Variants in PLEKHG1 observed in about 807,000 individuals in gnomAD.
PLEKHG1 encodes pleckstrin homology and RhoGEF domain containing G1, also known as pleckstrin homology domain-containing family G member 1.
PLEKHG1 carries 44 observed loss-of-function variants against 100.8 expected under a neutral mutation model. That is an observed-to-expected ratio of 0.44 (90% CI 0.34 to 0.56). PLEKHG1 has a LOEUF of 0.56. Ranked by LOEUF, PLEKHG1 falls within the 20% of genes least tolerant of loss-of-function variation. PLEKHG1 has a pLI of 0.01. For synonymous variants in PLEKHG1, 640 were observed against 662.5 expected (o/e 0.97, Z 0.52); for missense variants, 1,545 against 1,720.9 (o/e 0.90, Z 1.81).
chr6:150,716,074 C>G (rs1021050278), intron 3 of PLEKHG1, among the ~76,000 whole-genome samples: 1 of 146,370 alleles, frequency 6.8e-6, no homozygotes, highest in Non-Finnish European at 1.5e-5. Flanking sequence ...CGCCACTGCA[C>G]TCCAGCCTGG....
chr6:150,620,051 G>A (rs928283485), intron 1 of PLEKHG1, among the ~76,000 whole-genome samples: 2 of 151,960 alleles, frequency 1.3e-5, no homozygotes, highest in Non-Finnish European at 2.9e-5. Flanking sequence ...ATGTATTATC[G>A]TTTATTTGGT....
Position 150,600,756 on chromosome 6 carries a change from C to T in PLEKHG1, c.-204+739C>T, listed in dbSNP as rs1475115334. On this transcript the variant is annotated intron_variant, in intron 1 of 3. Transcript: ENST00000367326. The surrounding 1 kb of genome is among the most constrained non-coding windows in gnomAD (Gnocchi z 6.2). ...CCCCTTTTGTGTCCTCGCGGTGAGC[C>T]CCGTTCCGAAGCCGGAAGCTTGGGA... The T allele has an allele frequency of 6.6e-6, 1 of 152,290 alleles. No individual in the cohort carries two copies. Among genetic ancestry groups the T allele is most frequent in the Non-Finnish European group, 1.5e-5 (1 of 68,074 alleles). The allele number at this position is 152,290 out of a possible 1,614,324, so 9.4% of individuals were successfully genotyped here.
chr6:150,816,620 G>A (rs939829265), intron 10 of PLEKHG1, among the ~76,000 whole-genome samples: 5 of 152,038 alleles, frequency 3.3e-5, no homozygotes, highest in African/African-American at 7.2e-5. Context: ...TACCACGCCC[G>A]GCCTCAAACA....
chr6:150,748,885 C>T (rs1447521205), intron 2 of PLEKHG1, among the ~76,000 whole-genome samples: 2 of 152,126 alleles, frequency 1.3e-5, no homozygotes, highest in African/African-American at 4.8e-5. Context: ...CCTTGGCCTC[C>T]TGAAGTGCTG....
chr6:150,615,605 A>G (rs1409866668), intron 1 of PLEKHG1, among the ~76,000 whole-genome samples: 1 of 152,240 alleles, frequency 6.6e-6, no homozygotes, highest in Non-Finnish European at 1.5e-5. Flanking sequence ...ATACAGATAT[A>G]AAATCACATA....
Position 150,683,743 on chromosome 6 carries a change from A to G in PLEKHG1, c.-99+32957A>G, listed in dbSNP as rs1281768929. ...ACCCCTCTGCGCTAGTATCCAGGGC[A>G]TAGGACGTCTGAAGGAAAGATGGAG... is the stretch of plus-strand genomic sequence containing the variant. On this transcript the variant is annotated intron_variant, in intron 3 of 3. Transcript: ENST00000367326. This position sits in a 1 kb window ranked among gnomAD's most constrained non-coding sequence, Gnocchi z 4.0. 2.4e-6 allele frequency: 3 copies of G among 1,265,312 alleles called. No individual in the cohort carries two copies. The highest frequency in any genetic ancestry group is 2.4e-5 in the Admixed American group (1 of 42,086). 78.4% of individuals were successfully genotyped at this position (1,265,312 alleles called of 1,614,324 possible). A position where few individuals can be genotyped will look rare whatever the true frequency, so the allele number is the denominator to read the frequency against.
chr6:150,797,664 G>A (rs1178424), intron 5 of PLEKHG1, among the ~76,000 whole-genome samples: 3,174 of 151,332 alleles, frequency 0.021, 33 homozygotes, highest in Middle Eastern at 0.058. Flanking sequence ...GCAAAACCCC[G>A]TCTCTACTAA....
At chr6:150,816,070 G>T (rs1787846519) in intron 10 of PLEKHG1, among the ~76,000 whole-genome samples, 1 of 152,126 alleles carries the variant, frequency 6.6e-6, no homozygotes, top group African/African-American at 2.4e-5. Context: ...ATCAGTGGGA[G>T]CCCTGAGCTT....
At chr6:150,802,142 T>G (rs1169026816) in intron 6 of PLEKHG1, among the ~76,000 whole-genome samples, 1 of 152,208 alleles carries the variant, frequency 6.6e-6, no homozygotes, top group Non-Finnish European at 1.5e-5. Context: ...ATTTAAAATT[T>G]TGAAAACTTT....
exon 8 of PLEKHG1, chr6:150,809,228 A>C (rs1435684078): frequency 5.0e-6 from 8 of 1,614,082 alleles, no homozygotes; most frequent in Non-Finnish European, 6.8e-6. Context: ...CCTCTTCGAC[A>C]AGCTGCTGCT....
chr6:150,753,678 A>G (rs1783659215), intron 2 of PLEKHG1, among the ~76,000 whole-genome samples: 1 of 152,206 alleles, frequency 6.6e-6, no homozygotes, highest in Non-Finnish European at 1.5e-5. Context: ...TCTACTTTTG[A>G]TTAGAGAAGC....
At chr6:150,646,470 C>T (rs1165290806) in intron 2 of PLEKHG1, among the ~76,000 whole-genome samples, 2 of 151,658 alleles carry the variant, frequency 1.3e-5, no homozygotes, top group African/African-American at 4.8e-5. Context: ...AATGTTGGTG[C>T]GAATGCCAGA....
chr6:150,643,477 CTCATT>C (rs1167957796), intron 2 of PLEKHG1, among the ~76,000 whole-genome samples: 1 of 152,166 alleles, frequency 6.6e-6, no homozygotes, highest in Non-Finnish European at 1.5e-5. Context: ...AAAAGCTCAA[CTCATT>C]TCATAAATTG....
At chr6:150,599,952 G>GCAGCC (rs1767986231) in exon 1 of PLEKHG1, 2 of 221,714 alleles carry the variant, frequency 9.0e-6, no homozygotes, top group South Asian at 9.0e-5. Flanking sequence ...CCGGCGCAGC[G>GCAGCC]CAGCCCGCAC....
rs978223456 is a variant in PLEKHG1 at position 150,618,558 on chromosome 6, A to G, written c.-204+18541A>G. 2.6e-5 allele frequency among the ~76,000 whole-genome samples: 4 copies of G among 152,270 alleles called. No individual in the cohort carries two copies. In the South Asian group the frequency reaches 6.2e-4, roughly 24 times the overall value. ...ACCGTTTGTCTAGTATCTCTACCAC[A>G]TAGATGCAATAGATGTAAATAACCC... On this transcript the variant is annotated intron_variant, in intron 1 of 3. Coordinates refer to the PLEKHG1 transcript ENST00000367326.
At chr6:150,705,012 C>T (rs532932952) in intron 3 of PLEKHG1, among the ~76,000 whole-genome samples, 3 of 152,236 alleles carry the variant, frequency 2.0e-5, no homozygotes, top group Non-Finnish European at 2.9e-5. Flanking sequence ...TTAAAGGGCT[C>T]GTCTCCAAAT....
At chr6:150,792,599 A>G (rs1786056027) in intron 4 of PLEKHG1, among the ~76,000 whole-genome samples, 1 of 151,728 alleles carries the variant, frequency 6.6e-6, no homozygotes, top group African/African-American at 2.4e-5. Context: ...ACTTGAACCC[A>G]AGAGGCAAAG....
At chr6:150,803,517 T>C (rs1786831776) in intron 6 of PLEKHG1, among the ~76,000 whole-genome samples, 1 of 152,182 alleles carries the variant, frequency 6.6e-6, no homozygotes, top group African/African-American at 2.4e-5. Flanking sequence ...AACAAGTGTC[T>C]TATGTGCTCA....
chr6:150,727,347 G>T (rs1299984012), intron 1 of PLEKHG1, among the ~76,000 whole-genome samples: 1 of 152,150 alleles, frequency 6.6e-6, no homozygotes, highest in Non-Finnish European at 1.5e-5. Flanking sequence ...GTCACAGGAA[G>T]CCATGGAACG....
Sources: gnomAD v4.1 joint callset for allele counts (sites outside exome capture counted in the v4.1 genomes callset) on GRCh38, gnomAD v4.1.1 for gene constraint, Gnocchi (gnomAD v3.1) non-coding constraint, MANE v1.5 for transcripts, NCBI Gene and HGNC (gene_info 2026-07-23, HGNC 2026-07-21) for gene names.